RSBN1L: variants seen among roughly 807,000 people sequenced by gnomAD.
RSBN1L encodes lysine-specific demethylase RSBN1L.
RSBN1L carries 30 observed loss-of-function variants against 67.7 expected under a neutral mutation model. That is an observed-to-expected ratio of 0.44 (90% CI 0.33 to 0.60). RSBN1L has a LOEUF of 0.60. Ranked by LOEUF, RSBN1L falls within the 20% of genes least tolerant of loss-of-function variation. The pLI is 0.02. For synonymous variants in RSBN1L, 433 were observed against 387.0 expected, an observed-to-expected ratio of 1.12 and a Z score of -1.39; for missense variants, 992 against 1,031.7, an observed-to-expected ratio of 0.96 and a Z score of 0.53.
chr7:77,710,200 A>G (rs1185840715), intron 1 of RSBN1L, among the ~76,000 whole-genome samples: 1 of 152,148 alleles, frequency 6.6e-6, no homozygotes, highest in Non-Finnish European at 1.5e-5. Flanking sequence ...TTCATTCTTC[A>G]TGCTATATAG....
At chr7:77,765,361 A>G in intron 3 of RSBN1L, 134 bp from the exon 4 acceptor site, 3 of 697,274 alleles carry the variant, frequency 4.3e-6, no homozygotes, top group Non-Finnish European at 6.5e-6. Flanking sequence ...TCATTATGAT[A>G]TAATATTCTG....
intron 1 of RSBN1L, among the ~76,000 whole-genome samples, chr7:77,721,456 T>C (rs1345806737): frequency 6.6e-6 from 1 of 152,148 alleles, no homozygotes; most frequent in African/African-American, 2.4e-5. Flanking sequence ...TGAGCAGTTA[T>C]ACAAAAAATC....
chr7:77,768,777 G>T lies in RSBN1L; in HGVS notation c.1599G>T (p.Met533Ile). Reference protein sequence around the residue: ...PGEQMIPVADMPKSPFKRKRT... With the variant: ...PGEQMIPVADIPKSPFKRKRT... ...AACAAATGATCCCTGTGGCTGATATGCCAAAGTCACCTTTCAAAAGGAAAA... is the reference window on the plus strand; with the variant it reads ...AACAAATGATCCCTGTGGCTGATATTCCAAAGTCACCTTTCAAAAGGAAAA... The change falls in exon 5 of 8, where the codon ATG (methionine) becomes ATT (isoleucine). Residue 533 changes from methionine to isoleucine, a missense_variant. Met to Ile is a conservative substitution (Grantham distance 10, BLOSUM62 1). Around this residue, in one of 7 missense-constraint regions of RSBN1L, gnomAD observed 67 missense variants for 130.5 expected, o/e 0.51. Transcript: ENST00000334955. 1 of 1,614,042 alleles carries T rather than the reference G, an allele frequency of 6.2e-7. No individual in the cohort carries two copies. Among genetic ancestry groups the T allele is most frequent in the South Asian group, 1.1e-5 (1 of 91,084 alleles).
At chr7:77,724,048 G>T (rs894457508) in intron 1 of RSBN1L, among the ~76,000 whole-genome samples, 1 of 152,094 alleles carries the variant, frequency 6.6e-6, no homozygotes, top group Non-Finnish European at 1.5e-5. Context: ...AAAGTGCTAG[G>T]ATTACAGGCA....
At chr7:77,774,864 T>A (rs905687470) in intron 6 of RSBN1L, among the ~76,000 whole-genome samples, 54 of 151,424 alleles carry the variant, frequency 3.6e-4, no homozygotes, top group African/African-American at 9.7e-4. Context: ...CCATTAAAAA[T>A]TTTTTTTTTC....
chr7:77,755,311 G>A (rs1244996257), intron 3 of RSBN1L, among the ~76,000 whole-genome samples: 1 of 152,170 alleles, frequency 6.6e-6, no homozygotes, highest in Non-Finnish European at 1.5e-5. Flanking sequence ...ACTTACGCTA[G>A]GGCTGCATCC....
intron 4 of RSBN1L, among the ~76,000 whole-genome samples, chr7:77,768,054 G>C (rs1318706772): frequency 6.6e-6 from 1 of 150,508 alleles, no homozygotes; most frequent in Non-Finnish European, 1.5e-5. Flanking sequence ...TCACCGTGCT[G>C]GCCAGGACGG....
intron 2 of RSBN1L, among the ~76,000 whole-genome samples, chr7:77,740,720 T>TA (rs1791397349): frequency 6.6e-6 from 1 of 152,182 alleles, no homozygotes; most frequent in Non-Finnish European, 1.5e-5. Flanking sequence ...AGTTTTTTTT[T>TA]ATTTTTCTTT....
chr7:77,781,004 C>G lies in RSBN1L; in HGVS notation c.*1836C>G, dbSNP rs904103177. 1 of 152,158 alleles carries G rather than the reference C, an allele frequency of 6.6e-6. No homozygotes were observed. The highest frequency in any genetic ancestry group is 1.5e-5 in the Non-Finnish European group (1 of 68,030). The allele number at this position is 152,158 out of a possible 1,614,324, so 9.4% of individuals were successfully genotyped here. ...TTTCAATTGGGGTTCTTTGTGCTGCCTTTTGGGTTACTGTTGGTATTTCCA... is the reference window on the plus strand; with the variant it reads ...TTTCAATTGGGGTTCTTTGTGCTGCGTTTTGGGTTACTGTTGGTATTTCCA... On this transcript the variant is annotated 3_prime_UTR_variant, in exon 8 of 8. Coordinates refer to ENST00000334955, the MANE Select transcript of RSBN1L (RefSeq NM_198467.3).
intron 4 of RSBN1L, among the ~76,000 whole-genome samples, chr7:77,767,716 C>G (rs533562548): frequency 3.4e-4 from 45 of 132,220 alleles, no homozygotes; most frequent in Middle Eastern, 4.0e-3. Context: ...TCACCTCTGT[C>G]TCTCGCCTCG....
At chr7:77,770,843 A>C (rs1011852197) in intron 5 of RSBN1L, among the ~76,000 whole-genome samples, 12 of 152,248 alleles carry the variant, frequency 7.9e-5, no homozygotes, top group African/African-American at 2.9e-4. Context: ...TTGTGTACTT[A>C]TGTGAGCACA....
At chr7:77,743,893 A>G (rs983988881) in intron 2 of RSBN1L, among the ~76,000 whole-genome samples, 11 of 149,268 alleles carry the variant, frequency 7.4e-5, no homozygotes, top group African/African-American at 2.2e-4. Context: ...ACTTATTTTT[A>G]TTTCATTTTT....
Position 77,743,888 on chromosome 7 carries a change from T to C in RSBN1L, c.704-5536T>C, listed in dbSNP as rs575259480. On this transcript the variant is annotated intron_variant, in intron 2 of 7. Transcript: ENST00000334955. ...TTTGGTTAGTCCCCTGTTTCACTTA[T>C]TTTTATTTCATTTTTTTTGTAGAGA... Among the ~76,000 whole-genome samples the C allele has an allele frequency of 1.4e-3, 213 of 152,240 alleles. 1 individual carries two copies. The highest frequency in any genetic ancestry group is 4.8e-3 in the African/African-American group (200 of 41,538).
At chr7:77,722,615 A>G (rs1584281772) in intron 1 of RSBN1L, among the ~76,000 whole-genome samples, 1 of 151,860 alleles carries the variant, frequency 6.6e-6, no homozygotes, top group African/African-American at 2.4e-5. Context: ...ATCTCCTTCA[A>G]TTTTTATTTT....
chr7:77,722,229 G>A (rs1791129574), intron 1 of RSBN1L, among the ~76,000 whole-genome samples: 1 of 152,122 alleles, frequency 6.6e-6, no homozygotes, highest in South Asian at 2.1e-4. Flanking sequence ...CAGAGGGGTT[G>A]GGTTGGGAGA....
chr7:77,728,212 C>T (rs1046454256), intron 1 of RSBN1L, among the ~76,000 whole-genome samples: 7 of 152,180 alleles, frequency 4.6e-5, no homozygotes, highest in African/African-American at 1.7e-4. Context: ...CCTCAAATAA[C>T]TTCCTGTGAC....
At chr7:77,737,944 C>G (rs1345525996) in intron 2 of RSBN1L, among the ~76,000 whole-genome samples, 1 of 151,656 alleles carries the variant, frequency 6.6e-6, no homozygotes, top group Non-Finnish European at 1.5e-5. Context: ...ATTGCCTGAA[C>G]CCGGGAGACA....
intron 3 of RSBN1L, among the ~76,000 whole-genome samples, chr7:77,760,188 A>G (rs1340406903): frequency 2.6e-5 from 4 of 152,194 alleles, no homozygotes; most frequent in African/African-American, 9.6e-5. Context: ...CCACCTCAGA[A>G]TCCTAAAGTG....
At chr7:77,749,281 CAATTCTGTAAA>C (rs1791523172) in intron 2 of RSBN1L, 132 bp from the exon 3 acceptor site, 2 of 629,286 alleles carry the variant, frequency 3.2e-6, no homozygotes, top group African/African-American at 3.8e-5. Flanking sequence ...TATTGATTAT[CAATTCTGTAAA>C]AAATGAGTCC....
Sources: allele counts gnomAD v4.1 joint callset (sites outside exome capture counted in the v4.1 genomes callset), GRCh38; gene constraint gnomAD v4.1.1; regional missense constraint gnomAD v4.1.1; transcripts MANE v1.5; gene names NCBI Gene and HGNC (gene_info 2026-07-23, HGNC 2026-07-21).